Variants in DLG2 observed in about 807,000 individuals in gnomAD.
The protein encoded by DLG2 is discs large MAGUK scaffold protein 2, also known as disks large homolog 2.
Under a neutral mutation model 132.5 loss-of-function variants are expected in DLG2, and 45 were observed. That is an observed-to-expected ratio of 0.34 (90% CI 0.27 to 0.44). The LOEUF (loss-of-function observed/expected upper bound fraction) is 0.44, where lower values mean the gene tolerates loss of function less well. DLG2 is among the 20% of genes least tolerant of loss of function. The probability of loss-of-function intolerance (pLI) is 1.00; values close to 1 mark genes in which losing one functional copy is unlikely to be tolerated. For missense variants in DLG2, 1,045 were observed against 1,196.9 expected, an observed-to-expected ratio of 0.87 and a Z score of 1.87; for synonymous variants, 424 against 419.6, an observed-to-expected ratio of 1.01 and a Z score of -0.13.
chr11:84,102,091 G>A (rs747566396), intron 9 of DLG2, among the ~76,000 whole-genome samples: 30 of 151,962 alleles, frequency 2.0e-4, no homozygotes, highest in African/African-American at 5.8e-4. Flanking sequence ...TCAATTCTTC[G>A]CATTTTTGAA....
At chr11:84,662,657 T>G (rs1373635045) in intron 6 of DLG2, among the ~76,000 whole-genome samples, 1 of 151,698 alleles carries the variant, frequency 6.6e-6, no homozygotes, top group Non-Finnish European at 1.5e-5. Context: ...CATGGTGGCA[T>G]GCACCTGTAA....
chr11:85,475,816 G>C, intron 3 of DLG2, among the ~76,000 whole-genome samples: 1 of 152,006 alleles, frequency 6.6e-6, no homozygotes, highest in Non-Finnish European at 1.5e-5. Flanking sequence ...GCTTACTAGT[G>C]GCAAGTCCAG....
At chr11:84,718,342 C>T (rs2061447232) in intron 6 of DLG2, among the ~76,000 whole-genome samples, 1 of 151,994 alleles carries the variant, frequency 6.6e-6, no homozygotes, top group Non-Finnish European at 1.5e-5. Context: ...ATGAATCTCT[C>T]TCATAAAGTG....
chr11:84,256,725 T>C (rs1054793691), intron 7 of DLG2, among the ~76,000 whole-genome samples: 1 of 152,204 alleles, frequency 6.6e-6, no homozygotes, highest in Non-Finnish European at 1.5e-5. Flanking sequence ...ACAGGCCCTA[T>C]AAATGACTTT....
At chr11:84,262,573 G>A (rs1295219414) in intron 7 of DLG2, among the ~76,000 whole-genome samples, 1 of 151,906 alleles carries the variant, frequency 6.6e-6, no homozygotes, top group Non-Finnish European at 1.5e-5. Context: ...GTGGTATTTG[G>A]TTACACAAGT....
chr11:84,352,286 G>A (rs1045504321), intron 7 of DLG2, among the ~76,000 whole-genome samples: 7 of 152,118 alleles, frequency 4.6e-5, no homozygotes, highest in Non-Finnish European at 1.0e-4. Flanking sequence ...CCTTGGGAAA[G>A]ACAAGGAGTT....
intron 3 of DLG2, among the ~76,000 whole-genome samples, chr11:85,534,704 G>A (rs754005205): frequency 6.6e-6 from 1 of 152,216 alleles, no homozygotes; most frequent in Non-Finnish European, 1.5e-5. Context: ...TTCCATGTGT[G>A]TATATGTACC....
At chr11:83,624,642 T>C (rs935333150) in intron 19 of DLG2, among the ~76,000 whole-genome samples, 6 of 152,196 alleles carry the variant, frequency 3.9e-5, no homozygotes, top group African/African-American at 1.4e-4. Flanking sequence ...GCAGCCTCCT[T>C]CATACATTCA....
At chr11:83,899,418 C>T (rs2072759434) in intron 15 of DLG2, among the ~76,000 whole-genome samples, 1 of 152,194 alleles carries the variant, frequency 6.6e-6, no homozygotes. Context: ...AACATTTTCA[C>T]ATTGGTCTCT....
chr11:84,652,110 G>T lies in DLG2; in HGVS notation c.358-117379C>A, dbSNP rs550363572. 2.6e-5 allele frequency among the ~76,000 whole-genome samples: 4 copies of T among 152,274 alleles called. No individual in the cohort carries two copies. The South Asian group carries it at 8.3e-4, about 32-fold the overall frequency. On this transcript the variant is annotated intron_variant, in intron 6 of 27. Transcript: ENST00000376104. ...AGAAGCTATAAAACCTAAGCAAGAA[G>T]CATGAAATATTTGAATACATGAAGA...
At chr11:85,510,202 G>T (rs972148850) in intron 3 of DLG2, among the ~76,000 whole-genome samples, 1 of 151,930 alleles carries the variant, frequency 6.6e-6, no homozygotes, top group Non-Finnish European at 1.5e-5. Context: ...GAAGTGATTG[G>T]TTAAGAAAAG....
intron 17 of DLG2, among the ~76,000 whole-genome samples, chr11:83,801,667 A>T (rs147090098): frequency 2.0e-5 from 3 of 152,260 alleles, no homozygotes; most frequent in East Asian, 3.9e-4. Context: ...TTTGCTGACA[A>T]TCACATTGAA....
intron 8 of DLG2, among the ~76,000 whole-genome samples, chr11:84,209,759 A>G (rs2096726677): frequency 6.6e-6 from 1 of 152,238 alleles, no homozygotes; most frequent in African/African-American, 2.4e-5. Flanking sequence ...CAAAAGCGCA[A>G]TGAGATGCCA....
At chr11:84,519,747 C>T (rs546083935) in intron 7 of DLG2, among the ~76,000 whole-genome samples, 2 of 152,252 alleles carry the variant, frequency 1.3e-5, no homozygotes, top group South Asian at 4.1e-4. Context: ...CAGCCAGTAA[C>T]TGTGGGACAG....
At chr11:84,473,587 A>C (rs1602763188) in intron 7 of DLG2, among the ~76,000 whole-genome samples, 2 of 152,178 alleles carry the variant, frequency 1.3e-5, no homozygotes, top group East Asian at 3.9e-4. Flanking sequence ...AGTAAGAATT[A>C]GCTCTATTAG....
At chr11:84,092,576 A>G (rs532508960) in intron 10 of DLG2, among the ~76,000 whole-genome samples, 1 of 152,334 alleles carries the variant, frequency 6.6e-6, no homozygotes, top group Non-Finnish European at 1.5e-5. Flanking sequence ...AGAAAGAACA[A>G]CTAAGACTGG....
At chr11:84,434,172 C>A (rs1211529878) in intron 7 of DLG2, among the ~76,000 whole-genome samples, 1 of 150,014 alleles carries the variant, frequency 6.7e-6, no homozygotes, top group Non-Finnish European at 1.5e-5. Context: ...CTACACTTAA[C>A]CAATGATAGA....
chr11:84,966,564 C>A (rs946408448), intron 6 of DLG2, among the ~76,000 whole-genome samples: 2 of 152,058 alleles, frequency 1.3e-5, no homozygotes, highest in Non-Finnish European at 2.9e-5. Flanking sequence ...CTGGGAGGCT[C>A]TGGCATAGTC....
At chr11:83,990,652 G>T (rs983443126) in intron 11 of DLG2, among the ~76,000 whole-genome samples, 2 of 152,080 alleles carry the variant, frequency 1.3e-5, no homozygotes, top group Non-Finnish European at 2.9e-5. Flanking sequence ...ATTCTTTGCG[G>T]GTGTAGAGAA....
Sources: gnomAD v4.1 joint callset for allele counts (sites outside exome capture counted in the v4.1 genomes callset) on GRCh38, gnomAD v4.1.1 for gene constraint, MANE v1.5 for transcripts, NCBI Gene and HGNC (gene_info 2026-07-23, HGNC 2026-07-21) for gene names.